Variants in LYPD6 observed in about 807,000 individuals in gnomAD.
LYPD6 encodes LY6/PLAUR domain containing 6, also known as ly6/PLAUR domain-containing protein 6.
LYPD6 carries 15 observed loss-of-function variants against 22.7 expected under a neutral mutation model. That is an observed-to-expected ratio of 0.66 (90% CI 0.44 to 1.02). The LOEUF (loss-of-function observed/expected upper bound fraction) is 1.02, where lower values mean the gene tolerates loss of function less well. Ranked by LOEUF, LYPD6 falls within the 50% of genes least tolerant of loss-of-function variation. The pLI is 0.00. For missense variants in LYPD6, 189 were observed against 208.4 expected (o/e 0.91, Z 0.57); for synonymous variants, 72 against 77.5 (o/e 0.93, Z 0.37).
At chr2:149,409,953 T>C (rs796896650) in intron 1 of LYPD6, among the ~76,000 whole-genome samples, 4 of 152,298 alleles carry the variant, frequency 2.6e-5, no homozygotes, top group African/African-American at 9.6e-5. Flanking sequence ...TTCTCTCAGC[T>C]TTCCTGGTGT....
intron 3 of LYPD6, among the ~76,000 whole-genome samples, chr2:149,464,760 A>G (rs1039137332): frequency 3.9e-5 from 6 of 152,172 alleles, no homozygotes; most frequent in Admixed American, 3.9e-4. Context: ...GAGGAAATGG[A>G]AAATGGAATA....
At chr2:149,360,101 T>C (rs1681542963) in intron 1 of LYPD6, among the ~76,000 whole-genome samples, 1 of 152,204 alleles carries the variant, frequency 6.6e-6, no homozygotes, top group South Asian at 2.1e-4. Context: ...AGTAACTTCC[T>C]GATGTTGCTA....
At chr2:149,478,324 A>G (rs957986904), downstream of LYPD6, among the ~76,000 whole-genome samples, 1 of 152,130 alleles carries the variant, frequency 6.6e-6, no homozygotes. Context: ...TAGGGCAGAC[A>G]AATACTGCCC....
At chr2:149,448,144 T>C (rs977597074) in intron 2 of LYPD6, among the ~76,000 whole-genome samples, 9 of 152,032 alleles carry the variant, frequency 5.9e-5, no homozygotes, top group African/African-American at 2.2e-4. Context: ...AAATACAAAA[T>C]TAGCCGGGTA....
In LYPD6 at chr2:149,472,645, G is replaced by C. The variant is rs1046626015; in HGVS notation, c.*1795G>C. On this transcript the variant is annotated 3_prime_UTR_variant, in exon 5 of 5. Coordinates refer to ENST00000334166, the MANE Select transcript of LYPD6 (RefSeq NM_194317.5). ...GGGTGGGAAAGTAGAGGGAGAGAAA[G>C]CAAGACATTTATTAAGCACCTCGTA... is the stretch of plus-strand genomic sequence containing the variant. The C allele has an allele frequency of 2.0e-5, 3 of 152,618 alleles. No individual in the cohort carries two copies. Among genetic ancestry groups the C allele is most frequent in the Non-Finnish European group, 2.9e-5 (2 of 68,036 alleles). 9.5% of individuals were successfully genotyped at this position (152,618 alleles called of 1,614,324 possible). A position where few individuals can be genotyped will look rare whatever the true frequency, so the allele number is the denominator to read the frequency against.
At chr2:149,436,240 C>G (rs745454708) in intron 1 of LYPD6, among the ~76,000 whole-genome samples, 3 of 152,048 alleles carry the variant, frequency 2.0e-5, no homozygotes, top group Non-Finnish European at 2.9e-5. Flanking sequence ...TTTAAAAAAT[C>G]TTGTTGAACA....
intron 1 of LYPD6, among the ~76,000 whole-genome samples, chr2:149,425,493 G>A (rs1389476560): frequency 6.6e-6 from 1 of 152,126 alleles, no homozygotes; most frequent in Non-Finnish European, 1.5e-5. Context: ...TTATCCATAG[G>A]AGGCTACTCA....
intron 1 of LYPD6, among the ~76,000 whole-genome samples, chr2:149,393,641 C>G (rs1051796708): frequency 6.6e-6 from 1 of 152,160 alleles, no homozygotes; most frequent in African/African-American, 2.4e-5. Flanking sequence ...GCTACTGACT[C>G]TGTGGTGCAC....
intron 1 of LYPD6, among the ~76,000 whole-genome samples, chr2:149,402,382 T>C (rs1239581193): frequency 6.6e-6 from 1 of 152,176 alleles, no homozygotes; most frequent in African/African-American, 2.4e-5. Flanking sequence ...TAATGACTTA[T>C]TTTCCTCTGG....
intron 1 of LYPD6, among the ~76,000 whole-genome samples, chr2:149,355,035 T>C (rs1202694018): frequency 6.6e-6 from 1 of 152,220 alleles, no homozygotes; most frequent in East Asian, 1.9e-4. Context: ...AACTAGAATT[T>C]ATTTAATTAA....
At chr2:149,349,842 C>T (rs368800468) in intron 1 of LYPD6, among the ~76,000 whole-genome samples, 2 of 152,038 alleles carry the variant, frequency 1.3e-5, no homozygotes, top group South Asian at 2.1e-4. Flanking sequence ...TTTAGTTCCT[C>T]TTATAATTTC....
intron 1 of LYPD6, among the ~76,000 whole-genome samples, chr2:149,390,875 T>A (rs952317586): frequency 6.6e-6 from 1 of 152,238 alleles, no homozygotes; most frequent in Non-Finnish European, 1.5e-5. Context: ...AAAACAACTT[T>A]TATTTATTGA....
At position 149,437,622 on chromosome 2, in the gene LYPD6, T is replaced by C; in HGVS notation, c.-71-16T>C. 6.3e-7 allele frequency: 1 copy of C among 1,580,352 alleles called. No homozygotes were observed. On this transcript the variant is annotated splice_polypyrimidine_tract_variant and intron_variant, in intron 1 of 4. Coordinates refer to ENST00000334166, the MANE Select transcript of LYPD6 (RefSeq NM_194317.5). ...CTCCAGTCGATCACTGAGATGATTC[T>C]TTCTTCATTTTTCAGGTGCAAGTTC...
chr2:149,457,097 A>C (rs977200631), intron 3 of LYPD6, among the ~76,000 whole-genome samples: 4 of 152,130 alleles, frequency 2.6e-5, no homozygotes, highest in Admixed American at 2.6e-4. Context: ...TTCTTGTTGG[A>C]TGTATATTGA....
At chr2:149,480,551 T>G in the LYPD6 span, among the ~76,000 whole-genome samples, 1 of 152,188 alleles carries the variant, frequency 6.6e-6, no homozygotes, top group South Asian at 2.1e-4. Flanking sequence ...ACAGTGCTTT[T>G]CAGTTTGTCT....
chr2:149,411,623 G>A (rs1682851190), intron 1 of LYPD6, among the ~76,000 whole-genome samples: 1 of 152,172 alleles, frequency 6.6e-6, no homozygotes, highest in Non-Finnish European at 1.5e-5. Context: ...CACATGATAT[G>A]ATTGACAGTG....
At chr2:149,479,907 G>A in the LYPD6 span, among the ~76,000 whole-genome samples, 2 of 151,970 alleles carry the variant, frequency 1.3e-5, no homozygotes, top group African/African-American at 2.4e-5. Context: ...CCTCTCTATG[G>A]GCCAGCAAGT....
chr2:149,405,187 A>G (rs1682671299), intron 1 of LYPD6, among the ~76,000 whole-genome samples: 1 of 152,022 alleles, frequency 6.6e-6, no homozygotes, highest in South Asian at 2.1e-4. Context: ...CTATTGGTCT[A>G]AAATTCTCTT....
At chr2:149,408,170 C>G (rs1454093694) in intron 1 of LYPD6, among the ~76,000 whole-genome samples, 1 of 152,164 alleles carries the variant, frequency 6.6e-6, no homozygotes, top group Non-Finnish European at 1.5e-5. Flanking sequence ...AGTTAGGCTG[C>G]TCGGGGGTCA....
Sources: allele counts gnomAD v4.1 joint callset (sites outside exome capture counted in the v4.1 genomes callset), GRCh38; gene constraint gnomAD v4.1.1; transcripts MANE v1.5; gene names NCBI Gene and HGNC (gene_info 2026-07-23, HGNC 2026-07-21).